The following VPS13B variants were observed in gnomAD, a reference collection of about 807,000 sequenced individuals.
The protein encoded by VPS13B is intermembrane lipid transfer protein VPS13B.
A neutral mutation model predicts 426.4 loss-of-function variants in VPS13B; 285 were observed. The observed-to-expected ratio is 0.67, with a 90% CI of 0.61 to 0.74. VPS13B has a LOEUF of 0.74. VPS13B is among the 30% of genes least tolerant of loss of function. The probability of loss-of-function intolerance (pLI) is 0.00; values close to 1 mark genes in which losing one functional copy is unlikely to be tolerated. For synonymous variants in VPS13B, 1,676 were observed against 1,676.4 expected (o/e 1.00, Z 0.01); for missense variants, 4,537 against 4,782.6 (o/e 0.95, Z 1.51).
intron 21 of VPS13B, among the ~76,000 whole-genome samples, chr8:99,409,009 A>G (rs951144944): frequency 6.6e-6 from 1 of 152,184 alleles, no homozygotes; most frequent in Admixed American, 6.6e-5. Context: ...GTGACTCAAC[A>G]TAGCAGAATT....
At chr8:99,692,110 C>T (rs1229511511) in intron 35 of VPS13B, among the ~76,000 whole-genome samples, 2 of 142,456 alleles carry the variant, frequency 1.4e-5, no homozygotes, top group Non-Finnish European at 1.5e-5. Context: ...TTTAACACCC[C>T]ACTGTCAACA....
intron 17 of VPS13B, among the ~76,000 whole-genome samples, chr8:99,207,292 A>T (rs946577671): frequency 1.3e-5 from 2 of 152,136 alleles, no homozygotes; most frequent in African/African-American, 4.8e-5. Flanking sequence ...GTAGGATATA[A>T]ATAACTCCCA....
intron 35 of VPS13B, chr8:99,697,106 ACT>A (rs1832047197): frequency 3.8e-6 from 2 of 522,676 alleles, no homozygotes; most frequent in Admixed American, 3.0e-5. Context: ...CCTCCCAGAA[ACT>A]CTTGCCAGCT....
intron 23 of VPS13B, among the ~76,000 whole-genome samples, chr8:99,466,654 T>G (rs573771825): frequency 3.9e-5 from 6 of 152,252 alleles, no homozygotes; most frequent in Admixed American, 2.6e-4. Flanking sequence ...AATTTATGAA[T>G]GCCAATTTTT....
chr8:99,872,782 T>G (rs1039829130), intron 61 of VPS13B, among the ~76,000 whole-genome samples: 4 of 152,188 alleles, frequency 2.6e-5, no homozygotes, highest in African/African-American at 9.7e-5. Flanking sequence ...GCCTGATCCC[T>G]CCTTTCATTA....
At position 99,766,791 on chromosome 8, in the gene VPS13B, A is replaced by C. The variant is rs1811250320; in HGVS notation, c.7068A>C (p.Glu2356Asp). Residue 2356 changes from glutamate (E) to aspartate (D), a missense_variant, in exon 40 of 62, where the codon GAA becomes GAC. Physicochemically the swap from Glu to Asp is conservative, Grantham distance 45 (BLOSUM62 2). Around this residue, in one of 2 missense-constraint regions of VPS13B, gnomAD observed 4,311 missense variants for 4,474.3 expected, o/e 0.96. Coordinates refer to ENST00000357162, the MANE Select transcript of VPS13B (RefSeq NM_152564.5). The part of the protein sequence containing the change: ...GDVLQVPCSL[E>D]YWDELQKVFV... ...TAACATAGGTTCCTTGTAGCTTGGA[A>C]TACTGGGATGAACTCCAGAAGGTTT... The C allele has an allele frequency of 6.2e-7, 1 of 1,613,724 alleles. No individual in the cohort carries two copies. The highest frequency in any genetic ancestry group is 1.7e-5 in the Admixed American group (1 of 59,996).
chr8:99,066,168 A>G (rs182939781), intron 3 of VPS13B, among the ~76,000 whole-genome samples: 9 of 152,368 alleles, frequency 5.9e-5, no homozygotes, highest in Admixed American at 5.2e-4. Context: ...GTTCATATGG[A>G]ACCAAAAAAG....
intron 54 of VPS13B, among the ~76,000 whole-genome samples, chr8:99,837,045 C>T (rs1301670478): frequency 1.3e-5 from 2 of 152,212 alleles, no homozygotes; most frequent in African/African-American, 4.8e-5. Flanking sequence ...CCCTCTTTCC[C>T]AGTCCTCCTG....
intron 17 of VPS13B, among the ~76,000 whole-genome samples, chr8:99,230,356 A>ATAT (rs1816256542): frequency 6.6e-6 from 1 of 152,180 alleles, no homozygotes; most frequent in Non-Finnish European, 1.5e-5. Context: ...GGTTTCCTGC[A>ATAT]TATAGCAGGG....
At chr8:99,805,494 A>G (rs1563924647) in intron 43 of VPS13B, among the ~76,000 whole-genome samples, 1 of 152,118 alleles carries the variant, frequency 6.6e-6, no homozygotes, top group Admixed American at 6.6e-5. Flanking sequence ...AAATATATCA[A>G]TTCAGGAATT....
intron 19 of VPS13B, among the ~76,000 whole-genome samples, chr8:99,290,973 T>G (rs953350171): frequency 2.0e-5 from 3 of 152,140 alleles, no homozygotes; most frequent in Admixed American, 6.6e-5. Flanking sequence ...GGGTTTGGAC[T>G]GAGTGCCAAA....
chr8:99,314,480 T>A (rs1000912452), intron 19 of VPS13B, among the ~76,000 whole-genome samples: 1 of 152,206 alleles, frequency 6.6e-6, no homozygotes, highest in Non-Finnish European at 1.5e-5. Context: ...CATTGTTAAT[T>A]TTCTGTCTAG....
At chr8:99,565,383 T>C (rs1280475995) in intron 31 of VPS13B, among the ~76,000 whole-genome samples, 2 of 151,322 alleles carry the variant, frequency 1.3e-5, no homozygotes, top group Non-Finnish European at 2.9e-5. Flanking sequence ...TTTTTACACA[T>C]AAAGAATTTT....
intron 35 of VPS13B, chr8:99,696,666 G>C: frequency 1.4e-6 from 1 of 736,244 alleles, no homozygotes; most frequent in Admixed American, 1.8e-5. Context: ...CACCATCGAG[G>C]AGAGGACCTT....
intron 36 of VPS13B, 46 bp downstream of exon 36, chr8:99,699,978 A>T: frequency 1.9e-6 from 3 of 1,590,916 alleles, no homozygotes; most frequent in Non-Finnish European, 2.6e-6. Context: ...AAGTAAGATG[A>T]TTTGTTAACA....
chr8:99,867,469 A>G lies in VPS13B; in HGVS notation c.11216-820A>G, dbSNP rs566979056. Among the ~76,000 whole-genome samples the G allele has an allele frequency of 5.9e-5, 9 of 152,308 alleles. No individual in the cohort carries two copies. The South Asian group carries it at 1.7e-3, about 28-fold the overall frequency. ...ATTCTAAGTGAGGAGTAAGTGGCCA[A>G]ACCTCAATTCCAGTGAGAGAGAAAG... On this transcript the variant is annotated intron_variant, in intron 58 of 61. Transcript: ENST00000357162.
chr8:99,605,718 C>T (rs1301327203), intron 33 of VPS13B, among the ~76,000 whole-genome samples: 2 of 152,112 alleles, frequency 1.3e-5, no homozygotes, highest in East Asian at 3.8e-4. Context: ...GTGATAATTC[C>T]TCTAATATTG....
At chr8:99,685,708 C>T (rs1283717812) in intron 35 of VPS13B, among the ~76,000 whole-genome samples, 1 of 152,288 alleles carries the variant, frequency 6.6e-6, no homozygotes, top group Admixed American at 6.5e-5. Flanking sequence ...TTATTTCAAT[C>T]TCTTTGTTAC....
At chr8:99,089,255 A>G (rs1027253163) in intron 3 of VPS13B, among the ~76,000 whole-genome samples, 16 of 152,168 alleles carry the variant, frequency 1.1e-4, no homozygotes, top group African/African-American at 3.6e-4. Flanking sequence ...AGTATGTGAC[A>G]TATTGAAAGT....
Sources: allele counts gnomAD v4.1 joint callset (sites outside exome capture counted in the v4.1 genomes callset), GRCh38; gene constraint gnomAD v4.1.1; regional missense constraint gnomAD v4.1.1; transcripts MANE v1.5; gene names NCBI Gene and HGNC (gene_info 2026-07-23, HGNC 2026-07-21).